The following SLIT3 variants were observed in gnomAD, a reference collection of about 807,000 sequenced individuals.
The protein encoded by SLIT3 is slit guidance ligand 3, also known as slit homolog 3 protein.
Under a neutral mutation model 184.0 loss-of-function variants are expected in SLIT3, and 68 were observed. The observed-to-expected ratio is 0.37, with a 90% CI of 0.30 to 0.45. The LOEUF (loss-of-function observed/expected upper bound fraction) is 0.45. Among genes scored for constraint, SLIT3 ranks in the 20% least tolerant of loss-of-function variants. SLIT3 has a pLI of 1.00. For synonymous variants in SLIT3, 831 were observed against 828.6 expected (o/e 1.00, Z -0.05); for missense variants, 1,707 against 2,026.0 (o/e 0.84, Z 3.02).
chr5:169,217,072 A>G (rs1403779212), intron 3 of SLIT3, among the ~76,000 whole-genome samples: 1 of 151,810 alleles, frequency 6.6e-6, no homozygotes, highest in Non-Finnish European at 1.5e-5. Context: ...CCTCACTAAA[A>G]TAACATCTGG....
At chr5:169,011,537 A>G (rs1043511225) in intron 4 of SLIT3, among the ~76,000 whole-genome samples, 23 of 152,152 alleles carry the variant, frequency 1.5e-4, no homozygotes, top group African/African-American at 2.7e-4. Context: ...GCAAAGAATG[A>G]GGCCAGACTA....
chr5:169,049,475 C>A (rs1172967213), intron 4 of SLIT3, among the ~76,000 whole-genome samples: 1 of 152,082 alleles, frequency 6.6e-6, no homozygotes, highest in Non-Finnish European at 1.5e-5. Context: ...CCCACCTTCC[C>A]CCAACACAGC....
chr5:169,161,088 T>A (rs1581002617), intron 4 of SLIT3, among the ~76,000 whole-genome samples: 1 of 152,146 alleles, frequency 6.6e-6, no homozygotes, highest in Non-Finnish European at 1.5e-5. Context: ...CCCACCCAGC[T>A]CTCAGCTCCT....
At chr5:168,761,624 G>A (rs1300913511) in intron 15 of SLIT3, among the ~76,000 whole-genome samples, 1 of 152,072 alleles carries the variant, frequency 6.6e-6, no homozygotes, top group Non-Finnish European at 1.5e-5. Flanking sequence ...AGGAGCAAAT[G>A]GCCTAATCTT....
At chr5:168,717,348 G>A (rs1304646389) in intron 23 of SLIT3, among the ~76,000 whole-genome samples, 2 of 149,166 alleles carry the variant, frequency 1.3e-5, no homozygotes, top group Admixed American at 6.7e-5. Flanking sequence ...ACATAGTCAC[G>A]GTTTGATGAA....
intron 5 of SLIT3, among the ~76,000 whole-genome samples, chr5:168,881,447 T>C (rs905709804): frequency 6.6e-6 from 1 of 152,218 alleles, no homozygotes; most frequent in African/African-American, 2.4e-5. Context: ...CACTACAATA[T>C]GTTCTTTTTG....
intron 4 of SLIT3, among the ~76,000 whole-genome samples, chr5:168,967,180 G>A (rs899486277): frequency 2.0e-5 from 3 of 151,952 alleles, no homozygotes; most frequent in African/African-American, 4.8e-5. Flanking sequence ...TGAGAAGGTA[G>A]GTTTCCAAAG....
At chr5:169,187,917 T>G in intron 4 of SLIT3, among the ~76,000 whole-genome samples, 1 of 151,386 alleles carries the variant, frequency 6.6e-6, no homozygotes, top group Admixed American at 6.6e-5. Flanking sequence ...CCACTCACCC[T>G]CCGCCCTGCC....
intron 4 of SLIT3, among the ~76,000 whole-genome samples, chr5:168,885,823 A>G (rs1760180832): frequency 6.6e-6 from 1 of 152,220 alleles, no homozygotes; most frequent in African/African-American, 2.4e-5. Flanking sequence ...ACAACATCCC[A>G]TAATACACTG....
At chr5:169,038,602 T>G (rs777048268) in intron 4 of SLIT3, among the ~76,000 whole-genome samples, 1 of 152,188 alleles carries the variant, frequency 6.6e-6, no homozygotes, top group Non-Finnish European at 1.5e-5. Flanking sequence ...TGCTCCATGC[T>G]GTAATTCTCC....
chr5:168,722,243 T>C lies in SLIT3; in HGVS notation c.2483+13A>G, dbSNP rs759028098. The C allele has an allele frequency of 2.0e-5, 32 of 1,612,870 alleles. No individual in the cohort carries two copies. Among genetic ancestry groups the C allele is most frequent in the Middle Eastern group, 1.7e-4 (1 of 6,060 alleles). On this transcript the variant is annotated intron_variant, in intron 23 of 35. Transcript: ENST00000519560. ...CAATGTGTAAGTCAAAATCAGCACA[T>C]TGGGGTACTCACAGCACTCGCAGGG...
At chr5:169,078,619 T>C (rs1281397245) in intron 4 of SLIT3, among the ~76,000 whole-genome samples, 2 of 152,184 alleles carry the variant, frequency 1.3e-5, no homozygotes, top group African/African-American at 4.8e-5. Context: ...TTCTTTACCC[T>C]TCATCTTCAT....
rs558594608 is a variant in SLIT3, at chr5:169,271,299, C to T, written c.198-19840G>A. 1.3e-4 allele frequency among the ~76,000 whole-genome samples: 20 copies of T among 152,312 alleles called. 1 individual carries two copies. The South Asian group carries it at 4.1e-3, about 32-fold the overall frequency. The stretch of plus-strand genomic sequence containing the variant: ...AGGGGGCTCCAGTGCAACCCACAAT[C>T]CCCATGCCTGCCTTTCTCCCAGCTC... On this transcript the variant is annotated intron_variant, in intron 1 of 35. Transcript: ENST00000519560.
At chr5:169,245,505 G>A (rs963299693) in intron 2 of SLIT3, among the ~76,000 whole-genome samples, 1 of 152,178 alleles carries the variant, frequency 6.6e-6, no homozygotes, top group Non-Finnish European at 1.5e-5. Flanking sequence ...GAGCTGAACA[G>A]CAGGGGAGAG....
intron 4 of SLIT3, among the ~76,000 whole-genome samples, chr5:169,118,391 G>A (rs1760767445): frequency 6.6e-6 from 1 of 152,204 alleles, no homozygotes; most frequent in African/African-American, 2.4e-5. Flanking sequence ...GGTCTCCCTA[G>A]TGACACTGGC....
intron 4 of SLIT3, among the ~76,000 whole-genome samples, chr5:168,964,732 T>C (rs960411289): frequency 1.3e-5 from 2 of 152,182 alleles, no homozygotes; most frequent in African/African-American, 4.8e-5. Context: ...AGGATGAGCA[T>C]CAAAGAAATT....
At chr5:168,803,151 T>C (rs1041854403) in intron 9 of SLIT3, among the ~76,000 whole-genome samples, 3 of 152,228 alleles carry the variant, frequency 2.0e-5, no homozygotes, top group Non-Finnish European at 2.9e-5. Context: ...TACTATACAA[T>C]ACACATAAAG....
chr5:169,136,609 TC>T (rs1761510582), intron 4 of SLIT3, among the ~76,000 whole-genome samples: 1 of 152,210 alleles, frequency 6.6e-6, no homozygotes, highest in Non-Finnish European at 1.5e-5. Context: ...AACCTGACCA[TC>T]ATGGATGTTA....
intron 3 of SLIT3, among the ~76,000 whole-genome samples, chr5:169,197,107 G>A (rs1763765950): frequency 6.6e-6 from 1 of 152,178 alleles, no homozygotes; most frequent in Admixed American, 6.5e-5. Flanking sequence ...AAGGCTCCTG[G>A]AAGGGAAGGA....
Sources: allele counts gnomAD v4.1 joint callset (sites outside exome capture counted in the v4.1 genomes callset), GRCh38; gene constraint gnomAD v4.1.1; transcripts MANE v1.5; gene names NCBI Gene and HGNC (gene_info 2026-07-23, HGNC 2026-07-21).